The following RBPJ variants were observed in gnomAD, a reference collection of about 807,000 sequenced individuals.
RBPJ encodes the protein recombining binding protein suppressor of hairless.
Under a neutral mutation model 67.8 loss-of-function variants are expected in RBPJ, and 9 were observed. That is an observed-to-expected ratio of 0.13 (90% confidence interval 0.08 to 0.23). The LOEUF (loss-of-function observed/expected upper bound fraction) is 0.23. RBPJ is among the 10% of genes least tolerant of loss of function. RBPJ has a pLI of 1.00. For synonymous variants in RBPJ, 198 were observed against 203.3 expected, an observed-to-expected ratio of 0.97 and a Z score of 0.22; for missense variants, 305 against 595.6, an observed-to-expected ratio of 0.51 and a Z score of 5.08.
chr4:26,139,111 C>T, the RBPJ span, among the ~76,000 whole-genome samples: 1 of 151,514 alleles, frequency 6.6e-6, no homozygotes, highest in Non-Finnish European at 1.5e-5. Context: ...GGGAGACAGC[C>T]CTGCCCAAGG....
intron 1 of RBPJ, among the ~76,000 whole-genome samples, chr4:26,364,519 G>C (rs1220527868): frequency 6.7e-6 from 1 of 149,866 alleles, no homozygotes; most frequent in Non-Finnish European, 1.5e-5. Flanking sequence ...TAGCACTTGA[G>C]AATCCATTTG....
chr4:26,118,645 C>A, the RBPJ span, among the ~76,000 whole-genome samples: 3 of 152,304 alleles, frequency 2.0e-5, no homozygotes, highest in South Asian at 4.1e-4. Context: ...ATTGATTGGT[C>A]ATTTTTGTAA....
chr4:26,215,580 T>C (rs1211662219), intron 1 of RBPJ, among the ~76,000 whole-genome samples: 1 of 152,184 alleles, frequency 6.6e-6, no homozygotes, highest in Non-Finnish European at 1.5e-5. Flanking sequence ...AATTCACAAC[T>C]ACCTATCTAG....
At chr4:26,210,736 C>CTTCTTTCT (rs1239686944) in intron 1 of RBPJ, among the ~76,000 whole-genome samples, 2 of 64,074 alleles carry the variant, frequency 3.1e-5, no homozygotes, top group African/African-American at 6.7e-5. Flanking sequence ...TCCTTCTTTA[C>CTTCTTTCT]TTCTTTCCTT....
chr4:26,255,801 C>CAAAAA (rs34958199), intron 1 of RBPJ, among the ~76,000 whole-genome samples: 1 of 75,260 alleles, frequency 1.3e-5, no homozygotes. Flanking sequence ...GACTCCGTCT[C>CAAAAA]AAAAAAAAAA....
intron 2 of RBPJ, among the ~76,000 whole-genome samples, chr4:26,392,705 C>T (rs1731640232): frequency 6.6e-6 from 1 of 152,262 alleles, no homozygotes; most frequent in African/African-American, 2.4e-5. Flanking sequence ...AAAGGAAACT[C>T]ACAATTGTGA....
In RBPJ at chr4:26,293,568, CG is replaced by C. The variant is rs1476347220; in HGVS notation, c.-166-68874del. Among the ~76,000 whole-genome samples the C allele has an allele frequency of 4.0e-5, 6 of 150,082 alleles. 1 individual carries two copies. The highest frequency in any genetic ancestry group is 1.3e-4 in the Admixed American group (2 of 15,074). ...GAAAGTTTGCTTGAACCCAGGAGTT[CG>C]GGGCTGCACTGAGCTGTGATTGTGC... On this transcript the variant is annotated intron_variant, in intron 1 of 4. Coordinates refer to the RBPJ transcript ENST00000512351.
At chr4:26,297,334 T>TG (rs1721909457) in intron 1 of RBPJ, among the ~76,000 whole-genome samples, 2 of 146,696 alleles carry the variant, frequency 1.4e-5, no homozygotes, top group Non-Finnish European at 3.0e-5. Context: ...AAAAATCACT[T>TG]TGTGTGTGTG....
chr4:26,307,490 A>T (rs1368589943), intron 1 of RBPJ, among the ~76,000 whole-genome samples: 1 of 152,228 alleles, frequency 6.6e-6, no homozygotes, highest in Non-Finnish European at 1.5e-5. Context: ...AGATATAGCT[A>T]TGCTATTTAA....
chr4:26,295,279 T>G (rs1048512947), intron 1 of RBPJ, among the ~76,000 whole-genome samples: 5 of 151,770 alleles, frequency 3.3e-5, no homozygotes, highest in Non-Finnish European at 5.9e-5. Context: ...TGGGTGTGTG[T>G]GTGTGCATGG....
chr4:26,354,286 G>A (rs966599851), intron 1 of RBPJ, among the ~76,000 whole-genome samples: 4 of 152,044 alleles, frequency 2.6e-5, no homozygotes, highest in African/African-American at 9.7e-5. Context: ...TTTTCAGCAA[G>A]CTTAATGTTT....
the RBPJ span, among the ~76,000 whole-genome samples, chr4:26,108,988 T>C: frequency 6.6e-6 from 1 of 152,112 alleles, no homozygotes; most frequent in South Asian, 2.1e-4. Flanking sequence ...TCTGTCCTTG[T>C]CTGGAAAGTG....
chr4:26,125,970 T>G, the RBPJ span, among the ~76,000 whole-genome samples: 128 of 152,292 alleles, frequency 8.4e-4, no homozygotes, highest in African/African-American at 3.1e-3. Context: ...CTCTCCTCTA[T>G]GGTGTCTGTC....
rs1204923994 is a variant in RBPJ at position 26,224,212 on chromosome 4, G to A, written c.-167+60598G>A. 4.0e-5 allele frequency among the ~76,000 whole-genome samples: 6 copies of A among 151,062 alleles called. No homozygotes were observed. In the East Asian group the frequency reaches 5.8e-4, roughly 15 times the overall value. ...CTGTACTCCCATTTACTCCCATTGT[G>A]CATTCTGTTCCGTAAGAACACAAGA... On this transcript the variant is annotated intron_variant, in intron 1 of 4. Transcript: ENST00000512351.
chr4:26,265,717 G>A (rs1276362543), intron 1 of RBPJ, among the ~76,000 whole-genome samples: 2 of 151,934 alleles, frequency 1.3e-5, no homozygotes, highest in African/African-American at 4.8e-5. Context: ...TCTCTGTACT[G>A]GATGGGAAGG....
chr4:26,337,193 ACTCCTGACTTCAGGTCGTC>A (rs1340503884), intron 1 of RBPJ, among the ~76,000 whole-genome samples: 1 of 148,810 alleles, frequency 6.7e-6, no homozygotes, highest in Non-Finnish European at 1.5e-5. Context: ...ATGGTCTTGA[ACTCCTGACTTCAGGTCGTC>A]CTCCTGCCTT....
the RBPJ span, among the ~76,000 whole-genome samples, chr4:26,125,500 G>C: frequency 6.6e-6 from 1 of 152,172 alleles, no homozygotes; most frequent in East Asian, 1.9e-4. Context: ...GGAACAGGGA[G>C]AAAAATGGCC....
chr4:26,351,087 T>C (rs572487937), intron 1 of RBPJ, among the ~76,000 whole-genome samples: 1 of 152,068 alleles, frequency 6.6e-6, no homozygotes, highest in African/African-American at 2.4e-5. Flanking sequence ...ATATATTATA[T>C]ACATTAAGTT....
At chr4:26,362,543 G>A in intron 1 of RBPJ, 1 of 1,607,082 alleles carries the variant, frequency 6.2e-7, no homozygotes, top group Non-Finnish European at 8.5e-7. Flanking sequence ...AGATACACTG[G>A]CTGAGGTGTT....
Sources: allele counts gnomAD v4.1 joint callset (sites outside exome capture counted in the v4.1 genomes callset), GRCh38; gene constraint gnomAD v4.1.1; transcripts MANE v1.5; gene names NCBI Gene and HGNC (gene_info 2026-07-23, HGNC 2026-07-21).